Variants in ZNF532 observed in about 807,000 individuals in gnomAD.
ZNF532 encodes the protein zinc finger protein 532.
Under a neutral mutation model 89.3 loss-of-function variants are expected in ZNF532, and 22 were observed. The ratio of observed to expected loss-of-function variants is 0.25; its 90% CI spans 0.18 to 0.35. The LOEUF (loss-of-function observed/expected upper bound fraction) is 0.35, where lower values mean the gene tolerates loss of function less well. Ranked by LOEUF, ZNF532 falls within the 10% of genes least tolerant of loss-of-function variation. ZNF532 has a pLI of 1.00. For missense variants in ZNF532, 1,132 were observed against 1,643.4 expected (o/e 0.69, Z 5.38); for synonymous variants, 606 against 649.6 (o/e 0.93, Z 1.02).
chr18:58,972,650 G>A (rs187054210), intron 7 of ZNF532, among the ~76,000 whole-genome samples: 28 of 152,142 alleles, frequency 1.8e-4, no homozygotes, highest in Middle Eastern at 3.4e-3. Flanking sequence ...AGGAAGAGCT[G>A]TTCTTCCTGT....
chr18:58,975,694 T>C (rs1376068924), intron 7 of ZNF532, among the ~76,000 whole-genome samples: 1 of 152,266 alleles, frequency 6.6e-6, no homozygotes, highest in African/African-American at 2.4e-5. Context: ...GAAGAAAGTT[T>C]AGGAAGTGTA....
chr18:58,895,282 T>G (rs2059171507), intron 2 of ZNF532, among the ~76,000 whole-genome samples: 4 of 152,192 alleles, frequency 2.6e-5, no homozygotes, highest in Admixed American at 2.6e-4. Context: ...ACGCATGTCT[T>G]TAAGGCAGTA....
chr18:58,878,832 T>C (rs1158886478), intron 2 of ZNF532, among the ~76,000 whole-genome samples: 2 of 152,244 alleles, frequency 1.3e-5, no homozygotes, highest in East Asian at 3.8e-4. Context: ...TCAAGCGTCA[T>C]CTTGCACTAA....
intron 2 of ZNF532, among the ~76,000 whole-genome samples, chr18:58,886,291 A>G (rs1426090548): frequency 1.3e-5 from 2 of 152,076 alleles, no homozygotes; most frequent in Admixed American, 6.6e-5. Context: ...CTTTCATTCA[A>G]TTTTATGTAT....
Position 58,984,284 on chromosome 18 carries a change from G to A in ZNF532, c.3724G>A (p.Glu1242Lys). ...AGTGTCCAAGCAAAATGGGGCTGGG[G>A]AAGATAACCAACAGGAGAACAAACC... The part of the protein sequence containing the change: ...QPVSKQNGAG[E>K]DNQQENKPSH... Residue 1242 changes from glutamate (E) to lysine (K), a missense_variant, in exon 10 of 10, where the codon GAA becomes AAA. Transcript: ENST00000591808. 1 of 1,611,964 alleles carries A rather than the reference G, an allele frequency of 6.2e-7. No individual in the cohort carries two copies. The highest frequency in any genetic ancestry group is 8.5e-7 in the Non-Finnish European group (1 of 1,179,850).
chr18:58,954,089 A>G (rs1603285854), intron 7 of ZNF532: 5 of 1,104,484 alleles, frequency 4.5e-6, no homozygotes, highest in Non-Finnish European at 5.5e-6. Context: ...AAAGAGAAAA[A>G]TAGTAAACCA....
At chr18:58,955,832 TGG>T in intron 7 of ZNF532, among the ~76,000 whole-genome samples, 1 of 152,332 alleles carries the variant, frequency 6.6e-6, no homozygotes, top group South Asian at 2.1e-4. Context: ...TTGTAAATAC[TGG>T]GTAGTTTTTA....
At chr18:58,964,972 T>A (rs2065777615) in intron 7 of ZNF532, among the ~76,000 whole-genome samples, 1 of 149,010 alleles carries the variant, frequency 6.7e-6, no homozygotes, top group Non-Finnish European at 1.5e-5. Flanking sequence ...ATACTATAGA[T>A]CATATATAAT....
chr18:58,919,843 C>G lies in ZNF532; in HGVS notation c.1556C>G (p.Pro519Arg), dbSNP rs530266903. Residue 519 changes from proline to arginine, a missense_variant, in exon 3 of 10, where the codon CCA (proline) becomes CGA (arginine). By Grantham distance (103) the Pro-to-Arg change is moderately radical. This residue lies in a region of ZNF532 where 97 missense variants were observed against 143.7 expected (regional missense o/e 0.68). Transcript: ENST00000591808. The surrounding 1 kb of genome is among the most constrained non-coding windows in gnomAD (Gnocchi z 6.1). ...ASSLANAKLVPKTVHLANLNL... is the reference protein window; with the variant it reads ...ASSLANAKLVRKTVHLANLNL... ...AGCCTGGCCAATGCCAAACTCGTGC[C>G]AAAGACTGTGCACCTTGCCAACCTT... is the stretch of plus-strand genomic sequence containing the variant. 1.2e-6 allele frequency: 2 copies of G among 1,614,034 alleles called. No homozygotes were observed. The highest frequency in any genetic ancestry group is 2.2e-5 in the East Asian group (1 of 44,890).
chr18:58,943,610 G>A (rs572529785), intron 5 of ZNF532, among the ~76,000 whole-genome samples: 174 of 152,070 alleles, frequency 1.1e-3, no homozygotes, highest in Non-Finnish European at 2.1e-3. Context: ...TTACAGGCAC[G>A]CGCCACCATG....
At chr18:58,931,191 T>C (rs1270902514) in intron 3 of ZNF532, among the ~76,000 whole-genome samples, 1 of 152,234 alleles carries the variant, frequency 6.6e-6, no homozygotes, top group African/African-American at 2.4e-5. Context: ...CCCTTTATTA[T>C]GCTTTTTTCT....
chr18:58,880,771 C>CCCGTGTGTGTGTGTGTGTGT lies in ZNF532; in HGVS notation c.-18+15192_-18+15193insCCGTGTGTGTGTGTGTGTGT, dbSNP rs1555704787. Among the ~76,000 whole-genome samples, 5 of 145,372 alleles carry CCCGTGTGTGTGTGTGTGTGT rather than the reference C, an allele frequency of 3.4e-5. No homozygotes were observed. In the East Asian group the frequency reaches 1.0e-3, roughly 29 times the overall value. On this transcript the variant is annotated intron_variant, in intron 2 of 9. Transcript: ENST00000591808. ...TCATAGGCGCGCGCGCACGCGCGCG[C>CCCGTGTGTGTGTGTGTGTGT]GTCTGTGTGTGTGTGTGTATGTTTG...
At chr18:58,910,169 AACAC>A (rs1414988361) in intron 2 of ZNF532, among the ~76,000 whole-genome samples, 1 of 152,236 alleles carries the variant, frequency 6.6e-6, no homozygotes, top group African/African-American at 2.4e-5. Context: ...TTGTAATTCT[AACAC>A]ACTTGTGAAA....
At chr18:58,902,492 C>T (rs1038095071) in intron 2 of ZNF532, among the ~76,000 whole-genome samples, 1 of 150,814 alleles carries the variant, frequency 6.6e-6, no homozygotes, top group Admixed American at 6.6e-5. Flanking sequence ...GACCCTTCTC[C>T]TTCTTTTTTT....
chr18:58,976,682 G>A (rs2067097833), intron 7 of ZNF532, among the ~76,000 whole-genome samples: 1 of 152,054 alleles, frequency 6.6e-6, no homozygotes. Context: ...ATAGGCACCT[G>A]CCATCATGCC....
At chr18:58,981,737 G>T in intron 9 of ZNF532, 120 bp downstream of exon 9, 1 of 1,355,252 alleles carries the variant, frequency 7.4e-7, no homozygotes, top group African/African-American at 1.4e-5. Flanking sequence ...GACTGGCTGG[G>T]TGCGGTGGCT....
At chr18:58,890,897 T>C (rs1602704654) in intron 2 of ZNF532, among the ~76,000 whole-genome samples, 1 of 151,262 alleles carries the variant, frequency 6.6e-6, no homozygotes, top group Non-Finnish European at 1.5e-5. Flanking sequence ...CAGGCTGGGG[T>C]GCAGTGATGC....
intron 2 of ZNF532, among the ~76,000 whole-genome samples, chr18:58,889,844 G>A (rs2058756667): frequency 6.6e-6 from 1 of 151,984 alleles, no homozygotes; most frequent in African/African-American, 2.4e-5. Flanking sequence ...CAGCACTTTG[G>A]GAGGCCAAGG....
chr18:58,911,277 G>C (rs2060266787), intron 2 of ZNF532, among the ~76,000 whole-genome samples: 1 of 152,280 alleles, frequency 6.6e-6, no homozygotes, highest in South Asian at 2.1e-4. Context: ...TCACTGTGGA[G>C]GATCGGCTTG....
Sources: allele counts gnomAD v4.1 joint callset (sites outside exome capture counted in the v4.1 genomes callset), GRCh38; gene constraint gnomAD v4.1.1; regional missense constraint gnomAD v4.1.1; non-coding constraint Gnocchi (gnomAD v3.1); transcripts MANE v1.5; gene names NCBI Gene and HGNC (gene_info 2026-07-23, HGNC 2026-07-21).